CTNNA3: variants seen among roughly 807,000 people sequenced by gnomAD.
CTNNA3 encodes the protein catenin alpha 3.
A neutral mutation model predicts 95.7 loss-of-function variants in CTNNA3; 76 were observed. The observed-to-expected ratio is 0.79, with a 90% CI of 0.66 to 0.96. The LOEUF (loss-of-function observed/expected upper bound fraction) is 0.96, where lower values mean the gene tolerates loss of function less well. Ranked by LOEUF, CTNNA3 falls within the 40% of genes least tolerant of loss-of-function variation. The pLI, the probability that CTNNA3 is intolerant of heterozygous loss-of-function variation, is 0.00. For missense variants in CTNNA3, 1,191 were observed against 1,089.8 expected (o/e 1.09, Z -1.31); for synonymous variants, 431 against 374.4 (o/e 1.15, Z -1.74).
chr10:65,957,290 C>T (rs909139021), intron 17 of CTNNA3, among the ~76,000 whole-genome samples: 16 of 152,110 alleles, frequency 1.1e-4, no homozygotes, highest in African/African-American at 1.9e-4. Flanking sequence ...TGTCTCTGCA[C>T]GTGAGATGGG....
intron 6 of CTNNA3, among the ~76,000 whole-genome samples, chr10:67,205,032 T>C (rs1376169515): frequency 6.6e-6 from 1 of 152,218 alleles, no homozygotes; most frequent in Non-Finnish European, 1.5e-5. Context: ...GGTAATTGTT[T>C]ATGTCTACAC....
chr10:67,704,505 T>C (rs1299065633), intron 1 of CTNNA3, among the ~76,000 whole-genome samples: 8 of 152,230 alleles, frequency 5.3e-5, no homozygotes, highest in African/African-American at 1.9e-4. Context: ...TTGACAAACC[T>C]GAGAAAAACA....
At chr10:66,292,393 T>C (rs2091697737) in intron 12 of CTNNA3, among the ~76,000 whole-genome samples, 1 of 152,192 alleles carries the variant, frequency 6.6e-6, no homozygotes, top group Non-Finnish European at 1.5e-5. Context: ...CATATAATGA[T>C]TGTCTTTTAA....
At chr10:66,888,441 T>C (rs1182875899) in intron 7 of CTNNA3, among the ~76,000 whole-genome samples, 1 of 152,198 alleles carries the variant, frequency 6.6e-6, no homozygotes. Context: ...TGTGTTGTTT[T>C]AAGCCACTAG....
At chr10:66,930,754 A>C (rs907504651) in intron 7 of CTNNA3, among the ~76,000 whole-genome samples, 1 of 152,200 alleles carries the variant, frequency 6.6e-6, no homozygotes, top group African/African-American at 2.4e-5. Flanking sequence ...TGAATCACCA[A>C]TATTTTGAAA....
chr10:67,319,880 G>A (rs1316333378), intron 5 of CTNNA3, among the ~76,000 whole-genome samples: 2 of 125,816 alleles, frequency 1.6e-5, no homozygotes, highest in African/African-American at 6.0e-5. Context: ...TGGGTGACAA[G>A]AGCGAGACTC....
At chr10:66,654,729 C>A (rs1846018898) in intron 9 of CTNNA3, among the ~76,000 whole-genome samples, 1 of 151,892 alleles carries the variant, frequency 6.6e-6, no homozygotes, top group Non-Finnish European at 1.5e-5. Flanking sequence ...ATATGAATGG[C>A]TAAAGAAAAT....
At chr10:67,484,478 G>A (rs557700896) in intron 5 of CTNNA3, among the ~76,000 whole-genome samples, 1 of 152,206 alleles carries the variant, frequency 6.6e-6, no homozygotes, top group African/African-American at 2.4e-5. Flanking sequence ...AAACAGAAGA[G>A]CTTCTGCAAA....
At chr10:66,660,705 C>A (rs1846231779) in intron 9 of CTNNA3, among the ~76,000 whole-genome samples, 2 of 152,170 alleles carry the variant, frequency 1.3e-5, no homozygotes, top group Non-Finnish European at 2.9e-5. Flanking sequence ...TGTATCACTT[C>A]TTTAATTCTT....
intron 5 of CTNNA3, among the ~76,000 whole-genome samples, chr10:67,299,648 T>C (rs1489412987): frequency 6.6e-6 from 1 of 152,220 alleles, no homozygotes; most frequent in African/African-American, 2.4e-5. Flanking sequence ...TTACAGCTGG[T>C]CTCAGTATGC....
chr10:66,984,793 T>C (rs1850635305), intron 7 of CTNNA3, among the ~76,000 whole-genome samples: 1 of 152,222 alleles, frequency 6.6e-6, no homozygotes, highest in South Asian at 2.1e-4. Flanking sequence ...TTGGTAATTT[T>C]CCTTTCACTT....
intron 11 of CTNNA3, among the ~76,000 whole-genome samples, chr10:66,430,074 T>C (rs913015437): frequency 3.1e-5 from 4 of 127,308 alleles, no homozygotes; most frequent in Non-Finnish European, 6.5e-5. Flanking sequence ...ACAAAATCAA[T>C]GTGCAAAAAT....
At chr10:66,699,026 T>A (rs971571163) in intron 9 of CTNNA3, among the ~76,000 whole-genome samples, 9 of 152,214 alleles carry the variant, frequency 5.9e-5, no homozygotes, top group African/African-American at 9.6e-5. Context: ...TTTGTGTATG[T>A]CTATATATAT....
At position 67,254,906 on chromosome 10, in the gene CTNNA3, T is replaced by C. The variant is rs892156244; in HGVS notation, c.580-35036A>G. On this transcript the variant is annotated intron_variant, in intron 5 of 17. Coordinates refer to ENST00000433211, the MANE Select transcript of CTNNA3 (RefSeq NM_013266.4). The stretch of plus-strand genomic sequence containing the variant: ...GATGCATTTCTCACAAGTATCTACA[T>C]TGGTAAATGATGCATGACTGTTTAT... 1.7e-4 allele frequency among the ~76,000 whole-genome samples: 26 copies of C among 152,238 alleles called. 1 individual carries two copies. Among genetic ancestry groups the C allele is most frequent in the African/African-American group, 6.3e-4 (26 of 41,464 alleles).
At chr10:66,050,864 T>G (rs1039434237) in intron 15 of CTNNA3, among the ~76,000 whole-genome samples, 3 of 152,124 alleles carry the variant, frequency 2.0e-5, no homozygotes, top group Non-Finnish European at 4.4e-5. Context: ...CTTACTTTTT[T>G]TTTTTAAGAG....
chr10:66,953,361 G>A (rs1245487814), intron 7 of CTNNA3, among the ~76,000 whole-genome samples: 2 of 152,174 alleles, frequency 1.3e-5, no homozygotes, highest in Non-Finnish European at 2.9e-5. Context: ...AATGCTCACT[G>A]CCGGTTGTCT....
chr10:67,474,269 G>A (rs983379632), intron 5 of CTNNA3, among the ~76,000 whole-genome samples: 3 of 152,144 alleles, frequency 2.0e-5, no homozygotes, highest in Admixed American at 2.0e-4. Flanking sequence ...TGTATTTTGA[G>A]ATAAGGCCTT....
chr10:67,093,426 T>C (rs568061299), intron 7 of CTNNA3, among the ~76,000 whole-genome samples: 1 of 151,860 alleles, frequency 6.6e-6, no homozygotes, highest in East Asian at 2.0e-4. Context: ...TAATAAAAAT[T>C]AGGTAAAAAT....
intron 12 of CTNNA3, among the ~76,000 whole-genome samples, chr10:66,291,076 T>G (rs12416001): frequency 0.11 from 16,224 of 152,124 alleles, 918 homozygotes; most frequent in African/African-American, 0.14. Flanking sequence ...ATCTGATCAC[T>G]TACTAAGTAC....
Sources: allele counts gnomAD v4.1 joint callset (sites outside exome capture counted in the v4.1 genomes callset), GRCh38; gene constraint gnomAD v4.1.1; transcripts MANE v1.5; gene names NCBI Gene and HGNC (gene_info 2026-07-23, HGNC 2026-07-21).